The following CHLSN variants were observed in gnomAD, a reference collection of about 807,000 sequenced individuals.
The protein encoded by CHLSN is protein cholesin.
At chr7:1,016,943 CACACGCCA>C in the CHLSN span, among the ~76,000 whole-genome samples, 28 of 142,628 alleles carry the variant, frequency 2.0e-4, no homozygotes, top group African/African-American at 7.3e-4. Flanking sequence ...CACACGCCAG[CACACGCCA>C]GCGCACAGCA....
At chr7:998,463 T>TC in the CHLSN span, among the ~76,000 whole-genome samples, 7 of 138,890 alleles carry the variant, frequency 5.0e-5, no homozygotes, top group African/African-American at 2.1e-4. Context: ...GATTCTTTTT[T>TC]TTTTTTTTTT....
At chr7:1,055,203 C>T in the CHLSN span, 22 of 469,342 alleles carry the variant, frequency 4.7e-5, no homozygotes, top group African/African-American at 1.0e-4. Flanking sequence ...TTCTGGAACC[C>T]GGCTGTAAAC....
chr7:1,027,274 TAAGCAAAGGACTCTG>T, the CHLSN span, among the ~76,000 whole-genome samples: 6 of 152,252 alleles, frequency 3.9e-5, no homozygotes, highest in African/African-American at 1.4e-4. Context: ...GAGTTACTCA[TAAGCAAAGGACTCTG>T]AAGCAACGGT....
At chr7:1,010,123 G>A in the CHLSN span, 159 of 1,611,780 alleles carry the variant, frequency 9.9e-5, no homozygotes, top group Admixed American at 3.0e-4. Flanking sequence ...CGTCCAGCCC[G>A]GGCCTGAGCA....
the CHLSN span, among the ~76,000 whole-genome samples, chr7:1,079,637 G>T: frequency 2.0e-5 from 3 of 152,354 alleles, no homozygotes; most frequent in East Asian, 5.8e-4. Flanking sequence ...CGTGTGACGG[G>T]AAGTGGCAGG....
the CHLSN span, chr7:988,476 G>A: frequency 4.1e-4 from 657 of 1,605,434 alleles, no homozygotes; most frequent in Non-Finnish European, 5.3e-4. Flanking sequence ...GGGGTGGGAC[G>A]GCCCCAGCTC....
the CHLSN span, among the ~76,000 whole-genome samples, chr7:1,011,549 CCA>C: frequency 4.6e-4 from 70 of 150,926 alleles, no homozygotes; most frequent in African/African-American, 1.7e-3. Context: ...CCACAAACAC[CCA>C]GATACCCAAA....
the CHLSN span, among the ~76,000 whole-genome samples, chr7:996,216 A>G: frequency 5.0e-4 from 76 of 152,238 alleles, no homozygotes; most frequent in African/African-American, 1.8e-3. Context: ...CCCTCCCCAC[A>G]ACAACAGCCC....
At chr7:1,010,773 G>A in the CHLSN span, among the ~76,000 whole-genome samples, 22 of 152,308 alleles carry the variant, frequency 1.4e-4, no homozygotes, top group South Asian at 3.7e-3. Context: ...AAAAGAAGAG[G>A]ACGGTGCAAA....
At chr7:1,017,975 G>A in the CHLSN span, among the ~76,000 whole-genome samples, 1 of 152,240 alleles carries the variant, frequency 6.6e-6, no homozygotes. Flanking sequence ...AACTCCAGCA[G>A]GTGACAGAAG....
the CHLSN span, among the ~76,000 whole-genome samples, chr7:1,102,046 G>T: frequency 6.6e-6 from 1 of 152,254 alleles, no homozygotes; most frequent in Non-Finnish European, 1.5e-5. Flanking sequence ...CCCCACAGGG[G>T]CTGGGCAGCA....
the CHLSN span, among the ~76,000 whole-genome samples, chr7:1,075,123 G>T: frequency 1.3e-5 from 2 of 152,160 alleles, no homozygotes; most frequent in Admixed American, 1.3e-4. Flanking sequence ...AACACAACCC[G>T]TCCTCTGGCC....
At chr7:1,016,782 ACAG>A in the CHLSN span, among the ~76,000 whole-genome samples, 11 of 63,554 alleles carry the variant, frequency 1.7e-4, no homozygotes, top group South Asian at 4.6e-3. Flanking sequence ...ACAGCAGCGC[ACAG>A]CACACAGCAG....
At chr7:989,800 C>T in the CHLSN span, among the ~76,000 whole-genome samples, 17 of 152,088 alleles carry the variant, frequency 1.1e-4, no homozygotes, top group Non-Finnish European at 2.1e-4. Flanking sequence ...AAGGAAATGT[C>T]GAGCCACACA....
chr7:1,071,409 G>A, the CHLSN span, among the ~76,000 whole-genome samples: 4 of 152,230 alleles, frequency 2.6e-5, no homozygotes, highest in African/African-American at 9.6e-5. Flanking sequence ...TGCGCTGAGA[G>A]GACCAGAGCT....
the CHLSN span, among the ~76,000 whole-genome samples, chr7:1,009,007 A>G: frequency 6.8e-6 from 1 of 146,282 alleles, no homozygotes; most frequent in East Asian, 2.0e-4. Context: ...ACACGCACAC[A>G]CACACACATA....
At chr7:1,091,629 T>C in the CHLSN span, 1 of 961,576 alleles carries the variant, frequency 1.0e-6, no homozygotes, top group South Asian at 1.6e-5. Flanking sequence ...CCAGGCTCAC[T>C]TCAAGGAGAA....
chr7:1,090,576 G>C, the CHLSN span, among the ~76,000 whole-genome samples: 1 of 142,988 alleles, frequency 7.0e-6, no homozygotes, highest in Non-Finnish European at 1.5e-5. Context: ...GACACGGGGC[G>C]GGTGACGGGA....
chr7:1,071,035 C>T, the CHLSN span, among the ~76,000 whole-genome samples: 14 of 152,362 alleles, frequency 9.2e-5, no homozygotes, highest in Admixed American at 7.8e-4. Context: ...CACACATGTA[C>T]ATGCAGCCCC....
Sources: gnomAD v4.1 joint callset for allele counts (sites outside exome capture counted in the v4.1 genomes callset) on GRCh38, gnomAD v4.1.1 for gene constraint, MANE v1.5 for transcripts, NCBI Gene and HGNC (gene_info 2026-07-23, HGNC 2026-07-21) for gene names.